Variants in LRBA observed in about 807,000 individuals in gnomAD.
The protein encoded by LRBA is lipopolysaccharide-responsive and beige-like anchor protein.
Under a neutral mutation model 330.0 loss-of-function variants are expected in LRBA, and 176 were observed. The observed-to-expected ratio is 0.53, with a 90% confidence interval of 0.47 to 0.60. LRBA has a LOEUF of 0.60. LRBA is among the 20% of genes least tolerant of loss of function. LRBA has a pLI of 0.00. For synonymous variants in LRBA, 1,230 were observed against 1,193.0 expected (o/e 1.03, Z -0.64); for missense variants, 3,259 against 3,444.8 (o/e 0.95, Z 1.35).
intron 22 of LRBA, among the ~76,000 whole-genome samples, chr4:150,856,946 TAGATAAA>T (rs1751294524): frequency 6.6e-6 from 1 of 152,180 alleles, no homozygotes. Flanking sequence ...TACTAATTAG[TAGATAAA>T]AGATAAACAC....
chr4:150,687,878 C>T (rs776440754), intron 36 of LRBA, among the ~76,000 whole-genome samples: 3 of 152,068 alleles, frequency 2.0e-5, no homozygotes, highest in Non-Finnish European at 4.4e-5. Flanking sequence ...CCATACTATC[C>T]AAATTAATTT....
intron 30 of LRBA, among the ~76,000 whole-genome samples, chr4:150,827,459 C>A (rs1205168088): frequency 3.9e-5 from 6 of 152,104 alleles, no homozygotes; most frequent in Admixed American, 2.0e-4. Context: ...CTCAACTGCC[C>A]CTGAGATACT....
At position 150,629,069 on chromosome 4, in the gene LRBA, GT is replaced by G. The variant is rs200759010; in HGVS notation, c.5922-29939del. ...ATGTCACCACAGCTGTTTTGTTTTTGTTTTTGTTCTTTTGTAGAGACCAGAT... is the reference window on the plus strand; with the variant it reads ...ATGTCACCACAGCTGTTTTGTTTTTGTTTTGTTCTTTTGTAGAGACCAGAT... On this transcript the variant is annotated intron_variant, in intron 37 of 56. Coordinates refer to ENST00000651943, the MANE Select transcript of LRBA (RefSeq NM_001364905.1). Among the ~76,000 whole-genome samples, 1,495 of 152,010 alleles carry G rather than the reference GT, an allele frequency of 9.8e-3. 22 individuals carry two copies. The highest frequency in any genetic ancestry group is 0.034 in the African/African-American group (1,409 of 41,460).
intron 50 of LRBA, among the ~76,000 whole-genome samples, chr4:150,320,415 G>A (rs1198390570): frequency 1.9e-5 from 2 of 103,328 alleles, no homozygotes; most frequent in African/African-American, 3.0e-5. Flanking sequence ...TGTAATTTAA[G>A]TGTTCTTTTT....
chr4:150,801,959 C>T (rs1260164981), intron 33 of LRBA, among the ~76,000 whole-genome samples: 1 of 151,060 alleles, frequency 6.6e-6, no homozygotes, highest in Non-Finnish European at 1.5e-5. Context: ...TCACTTGAGG[C>T]CAGAAGTTCA....
At chr4:150,357,251 G>A (rs1429788352) in intron 47 of LRBA, among the ~76,000 whole-genome samples, 1 of 151,980 alleles carries the variant, frequency 6.6e-6, no homozygotes, top group African/African-American at 2.4e-5. Context: ...AAGCACTCGT[G>A]CATCTTTTGG....
intron 34 of LRBA, among the ~76,000 whole-genome samples, chr4:150,796,036 A>T (rs1035083443): frequency 4.6e-5 from 7 of 151,932 alleles, no homozygotes; most frequent in Admixed American, 2.6e-4. Context: ...GTAGTTTTTG[A>T]CCTGATCTTT....
chr4:151,007,816 C>T (rs544390199), intron 2 of LRBA, among the ~76,000 whole-genome samples: 44 of 149,812 alleles, frequency 2.9e-4, no homozygotes, highest in Non-Finnish European at 4.7e-4. Flanking sequence ...GAGATCGCAC[C>T]ACTGCACTCC....
chr4:150,281,280 G>A (rs1580885533), intron 55 of LRBA, among the ~76,000 whole-genome samples: 2 of 152,306 alleles, frequency 1.3e-5, no homozygotes, highest in Middle Eastern at 6.8e-3. Context: ...TGGGAAGGTA[G>A]GGAAAAATAA....
intron 11 of LRBA, among the ~76,000 whole-genome samples, chr4:150,907,047 C>T (rs1731406831): frequency 6.6e-6 from 1 of 150,622 alleles, no homozygotes; most frequent in South Asian, 2.1e-4. Context: ...TACAGCCATG[C>T]TCTACTACCT....
At chr4:150,419,628 A>G (rs1413336156) in intron 46 of LRBA, among the ~76,000 whole-genome samples, 2 of 145,290 alleles carry the variant, frequency 1.4e-5, no homozygotes, top group African/African-American at 5.0e-5. Context: ...ATTCACTGAT[A>G]ATATCTTTTT....
At chr4:150,853,616 C>T (rs1750882641) in intron 22 of LRBA, among the ~76,000 whole-genome samples, 3 of 152,014 alleles carry the variant, frequency 2.0e-5, no homozygotes, top group Admixed American at 2.0e-4. Flanking sequence ...TATTAGGCAC[C>T]GTGAACATTC....
chr4:150,600,723 T>A (rs968040747), intron 37 of LRBA, among the ~76,000 whole-genome samples: 1 of 152,180 alleles, frequency 6.6e-6, no homozygotes, highest in Non-Finnish European at 1.5e-5. Flanking sequence ...AACATGATGA[T>A]ATTATTTAAA....
chr4:150,415,465 T>G lies in LRBA; in HGVS notation c.7167A>C (p.Ser2389=). The change falls in exon 47 of 57, where the codon TCA becomes TCC. Residue 2389 remains serine (S), a synonymous_variant. Coordinates refer to ENST00000651943, the MANE Select transcript of LRBA (RefSeq NM_001364905.1). ...DVELPPWAKT[S]EEFVHINRLA... ...ATCTGTTTATGTGAACAAATTCTTCTGAGGTTTTGGCCCAAGGAGGAAGTT... is the reference window on the plus strand; with the variant it reads ...ATCTGTTTATGTGAACAAATTCTTCGGAGGTTTTGGCCCAAGGAGGAAGTT... 6.2e-7 allele frequency: 1 copy of G among 1,613,624 alleles called. No homozygotes were observed. Among genetic ancestry groups the G allele is most frequent in the Non-Finnish European group, 8.5e-7 (1 of 1,179,700 alleles).
intron 56 of LRBA, among the ~76,000 whole-genome samples, chr4:150,277,473 C>A (rs555914180): frequency 6.6e-6 from 1 of 152,110 alleles, no homozygotes; most frequent in South Asian, 2.1e-4. Flanking sequence ...GTAATCAGAG[C>A]CTTTGCTACT....
At chr4:150,287,162 G>A (rs751285932) in intron 53 of LRBA, among the ~76,000 whole-genome samples, 4 of 152,150 alleles carry the variant, frequency 2.6e-5, no homozygotes, top group South Asian at 2.1e-4. Flanking sequence ...GAAGAGAATC[G>A]CTTGTATCTT....
chr4:150,774,556 C>G (rs1458321077), intron 34 of LRBA, among the ~76,000 whole-genome samples: 1 of 152,192 alleles, frequency 6.6e-6, no homozygotes, highest in Admixed American at 6.5e-5. Flanking sequence ...TGGCTTCAGC[C>G]TGTGTGCCCA....
chr4:150,820,016 C>T (rs1451637055), intron 30 of LRBA, among the ~76,000 whole-genome samples: 1 of 151,988 alleles, frequency 6.6e-6, no homozygotes, highest in African/African-American at 2.4e-5. Flanking sequence ...CGTATATATG[C>T]CTCCTCTGCC....
intron 37 of LRBA, among the ~76,000 whole-genome samples, chr4:150,678,105 G>C (rs949496344): frequency 6.6e-6 from 1 of 151,938 alleles, no homozygotes; most frequent in Non-Finnish European, 1.5e-5. Flanking sequence ...AGCTTAGCAT[G>C]GGGCACACAC....
Sources: allele counts gnomAD v4.1 joint callset (sites outside exome capture counted in the v4.1 genomes callset), GRCh38; gene constraint gnomAD v4.1.1; transcripts MANE v1.5; gene names NCBI Gene and HGNC (gene_info 2026-07-23, HGNC 2026-07-21).